The following CFH variants were observed in gnomAD, a reference collection of about 807,000 sequenced individuals.
CFH encodes the protein complement factor H, also known as H factor 1 (complement).
Under a neutral mutation model 147.3 loss-of-function variants are expected in CFH, and 53 were observed. That is an observed-to-expected ratio of 0.36 (90% CI 0.29 to 0.45). The LOEUF (loss-of-function observed/expected upper bound fraction) is 0.45. Ranked by LOEUF, CFH falls within the 20% of genes least tolerant of loss-of-function variation. The pLI is 1.00. For synonymous variants in CFH, 536 were observed against 489.4 expected, an observed-to-expected ratio of 1.10 and a Z score of -1.26; for missense variants, 1,380 against 1,498.0, an observed-to-expected ratio of 0.92 and a Z score of 1.30.
At chr1:196,714,056 AT>A (rs906725405) in intron 10 of CFH, 139 bp downstream of exon 10, 22 of 739,418 alleles carry the variant, frequency 3.0e-5, no homozygotes, top group Non-Finnish European at 4.0e-5. Context: ...GCAGACATCA[AT>A]TTTTTTTCCT....
At chr1:196,698,534 A>G (rs1158381260) in intron 9 of CFH, among the ~76,000 whole-genome samples, 2 of 152,146 alleles carry the variant, frequency 1.3e-5, no homozygotes, top group African/African-American at 4.8e-5. Context: ...GAAAGAAGTC[A>G]AAACCCTGAA....
At chr1:196,659,065 T>A (rs16840394) in intron 1 of CFH, among the ~76,000 whole-genome samples, 3,845 of 151,424 alleles carry the variant, frequency 0.025, 161 homozygotes, top group African/African-American at 0.089. Flanking sequence ...AGATGGCTAT[T>A]TCTTTTAGTT....
At chr1:196,667,174 G>A (rs1044791562) in intron 1 of CFH, among the ~76,000 whole-genome samples, 3 of 152,156 alleles carry the variant, frequency 2.0e-5, no homozygotes, top group Non-Finnish European at 4.4e-5. Context: ...AAAGAGGCAT[G>A]CTGGTAAATG....
intron 7 of CFH, among the ~76,000 whole-genome samples, chr1:196,686,927 G>A (rs1178038170): frequency 6.6e-6 from 1 of 152,042 alleles, no homozygotes; most frequent in Non-Finnish European, 1.5e-5. Flanking sequence ...TCTCAGGCCT[G>A]CTTCATTACT....
At chr1:196,692,183 G>A (rs1668048736) in intron 9 of CFH, among the ~76,000 whole-genome samples, 2 of 152,212 alleles carry the variant, frequency 1.3e-5, no homozygotes, top group South Asian at 4.1e-4. Flanking sequence ...AGGCTGGAGT[G>A]CAATGTCGCG....
intron 20 of CFH, 99 bp downstream of exon 20, chr1:196,743,727 C>A (rs1374209719): frequency 2.2e-5 from 33 of 1,532,766 alleles, no homozygotes; most frequent in Middle Eastern, 3.4e-4. Flanking sequence ...ATAGATTTTT[C>A]AAATGCAAAT....
chr1:196,672,378 TTTG>T (rs1257716603), intron 1 of CFH, among the ~76,000 whole-genome samples: 2 of 152,188 alleles, frequency 1.3e-5, no homozygotes, highest in African/African-American at 4.8e-5. Flanking sequence ...GCACACACAA[TTTG>T]TTGTTGTTCC....
intron 1 of CFH, among the ~76,000 whole-genome samples, chr1:196,660,851 A>G (rs1355245293): frequency 1.3e-5 from 2 of 152,224 alleles, no homozygotes; most frequent in Non-Finnish European, 2.9e-5. Flanking sequence ...TTTGGAAATC[A>G]AGAATTAGGG....
At chr1:196,707,771 T>C (rs1668626870) in intron 9 of CFH, among the ~76,000 whole-genome samples, 1 of 152,222 alleles carries the variant, frequency 6.6e-6, no homozygotes, top group African/African-American at 2.4e-5. Flanking sequence ...TAAGTAACTT[T>C]AATGAAATTA....
At chr1:196,728,305 C>T in intron 14 of CFH, 41 bp from the exon 15 acceptor site, 3 of 1,236,848 alleles carry the variant, frequency 2.4e-6, no homozygotes, top group Non-Finnish European at 3.3e-6. Flanking sequence ...TGGTTTGATT[C>T]CTATCATTTG....
chr1:196,696,059 C>T (rs755714946), intron 9 of CFH, among the ~76,000 whole-genome samples: 19 of 152,032 alleles, frequency 1.2e-4, no homozygotes, highest in Middle Eastern at 3.4e-3. Flanking sequence ...GACAGATCAA[C>T]GAGACAGAAA....
At chr1:196,701,083 C>A (rs1668435676) in intron 9 of CFH, among the ~76,000 whole-genome samples, 1 of 152,058 alleles carries the variant, frequency 6.6e-6, no homozygotes. Flanking sequence ...GAGAAATGGT[C>A]TTGGATTTTG....
chr1:196,711,133 C>A (rs1305994309), intron 9 of CFH, among the ~76,000 whole-genome samples: 3 of 151,952 alleles, frequency 2.0e-5, no homozygotes, highest in African/African-American at 7.3e-5. Context: ...AAATAACAAG[C>A]TTTTGGTTTC....
intron 9 of CFH, among the ~76,000 whole-genome samples, chr1:196,706,259 G>A (rs368262108): frequency 2.0e-5 from 3 of 152,034 alleles, no homozygotes; most frequent in African/African-American, 4.8e-5. Flanking sequence ...GAAAGAAAGC[G>A]GGCTCTTAAC....
In CFH at chr1:196,661,513, A is replaced by G. The variant is rs146480786; in HGVS notation, c.58+9338A>G. On this transcript the variant is annotated intron_variant, in intron 1 of 21. Coordinates refer to ENST00000367429, the MANE Select transcript of CFH (RefSeq NM_000186.4). ...GTGAGGTCTGCTCTCTGGTTCATAG[A>G]CAGTGCCTTTTGGCTGTGTCCTCCA... Among the ~76,000 whole-genome samples the G allele has an allele frequency of 1.1e-3, 166 of 152,298 alleles. 2 individuals are homozygous for G. The highest frequency in any genetic ancestry group is 3.5e-3 in the African/African-American group (147 of 41,568).
chr1:196,669,490 G>A (rs1013891147), intron 1 of CFH, among the ~76,000 whole-genome samples: 1 of 152,172 alleles, frequency 6.6e-6, no homozygotes, highest in Admixed American at 6.5e-5. Context: ...TCAGGAGTTG[G>A]TGGCTTGCAT....
Position 196,652,108 on chromosome 1 carries a change from G to T in CFH, c.-10G>T. ...TTAGCTGGTAAATGTCCTCTTAAAA[G>T]ATCCAAAAAATGAGACTTCTAGCAA... On this transcript the variant is annotated 5_prime_UTR_variant, in exon 1 of 22. Transcript: ENST00000367429. The T allele has an allele frequency of 6.2e-7, 1 of 1,601,324 alleles. No homozygotes were observed. The highest frequency in any genetic ancestry group is 8.6e-7 in the Non-Finnish European group (1 of 1,168,442).
intron 18 of CFH, 188 bp from the exon 19 acceptor site, chr1:196,741,687 T>C (rs1447817902): frequency 8.5e-6 from 5 of 585,870 alleles, no homozygotes; most frequent in Non-Finnish European, 1.5e-5. Flanking sequence ...TATCTTGTAT[T>C]TTTAATAGAT....
At chr1:196,714,501 T>G (rs1443343617) in intron 10 of CFH, among the ~76,000 whole-genome samples, 3 of 150,574 alleles carry the variant, frequency 2.0e-5, no homozygotes, top group African/African-American at 7.3e-5. Flanking sequence ...TAGATATTTA[T>G]GAAGATTTCC....
Sources: gnomAD v4.1 joint callset for allele counts (sites outside exome capture counted in the v4.1 genomes callset) on GRCh38, gnomAD v4.1.1 for gene constraint, MANE v1.5 for transcripts, NCBI Gene and HGNC (gene_info 2026-07-23, HGNC 2026-07-21) for gene names.